The following EPHB3 variants were observed in gnomAD, a reference collection of about 807,000 sequenced individuals.
The protein encoded by EPHB3 is EPH receptor B3.
Under a neutral mutation model 100.2 loss-of-function variants are expected in EPHB3, and 33 were observed. That is an observed-to-expected ratio of 0.33 (90% confidence interval 0.25 to 0.44). The LOEUF is 0.44. Among genes scored for constraint, EPHB3 ranks in the 20% least tolerant of loss-of-function variants. EPHB3 has a pLI of 1.00. For synonymous variants in EPHB3, 526 were observed against 554.7 expected (o/e 0.95, Z 0.73); for missense variants, 1,045 against 1,378.3 (o/e 0.76, Z 3.83).
chr3:184,580,303 G>A, intron 11 of EPHB3, 99 bp from the exon 12 acceptor site: 3 of 1,473,886 alleles, frequency 2.0e-6, no homozygotes, highest in South Asian at 1.2e-5. Context: ...TTGCAGGAGA[G>A]ACGAGGTAGA....
At chr3:184,580,065 G>A in intron 11 of EPHB3, 131 bp downstream of exon 11, 5 of 1,383,858 alleles carry the variant, frequency 3.6e-6, no homozygotes, top group Non-Finnish European at 4.9e-6. Context: ...GCAGGGAAAT[G>A]GCAGGGCCTT....
At position 184,575,869 on chromosome 3, in the gene EPHB3, G is replaced by T. The variant is rs771399895; in HGVS notation, c.896G>T (p.Gly299Val). 6.2e-7 allele frequency: 1 copy of T among 1,612,848 alleles called. No individual in the cohort carries two copies. Among genetic ancestry groups the T allele is most frequent in the African/African-American group, 1.3e-5 (1 of 74,848 alleles). ...AGCTACAAGGCGAAGCAGGGAGAGG[G>T]GCCCTGCCTCCCATGTCCCCCCAAC... ...PGSYKAKQGE[G>V]PCLPCPPNSR... is the part of the protein sequence containing the mutation. The change falls in exon 4 of 16, where the codon GGG (glycine) becomes GTG (valine). Residue 299 changes from glycine to valine, a missense_variant. Physicochemically the swap from Gly to Val is moderately radical, Grantham distance 109. Transcript: ENST00000330394.
Position 184,573,056 on chromosome 3 carries a change from G to A in EPHB3, c.736G>A (p.Val246Met), listed in dbSNP as rs765968450. 12 of 1,613,218 alleles carry A rather than the reference G, an allele frequency of 7.4e-6. No homozygotes were observed. Among genetic ancestry groups the A allele is most frequent in the Middle Eastern group, 1.6e-4 (1 of 6,062 alleles). Residue 246 changes from valine to methionine, a missense_variant, in exon 3 of 16, where the codon GTG becomes ATG. Around this residue, in one of 2 missense-constraint regions of EPHB3, gnomAD observed 985 missense variants for 1,331.1 expected, o/e 0.74. Coordinates refer to ENST00000330394, the MANE Select transcript of EPHB3 (RefSeq NM_004443.4). This position sits in a 1 kb window ranked among gnomAD's most constrained non-coding sequence, Gnocchi z 4.5. Reference sequence around the variant, plus strand: ...TCCTGGCACCTGCATCCCTAACGCCGTGGAGGTGTCGGTGCCACTCAAGCT... The same window carrying A: ...TCCTGGCACCTGCATCCCTAACGCCATGGAGGTGTCGGTGCCACTCAAGCT... ...IAPGTCIPNA[V>M]EVSVPLKLYC...
rs749436110 is a variant in EPHB3 at position 184,581,561 on chromosome 3, T to A, written c.2936T>A (p.Ile979Asn). 1 of 1,613,824 alleles carries A rather than the reference T, an allele frequency of 6.2e-7. No individual in the cohort carries two copies. The highest frequency in any genetic ancestry group is 2.2e-5 in the East Asian group (1 of 44,866). The change falls in exon 16 of 16, where the codon ATC becomes AAC. Residue 979 changes from isoleucine (I) to asparagine (N), a missense_variant. This residue lies in a region of EPHB3 where 985 missense variants were observed against 1,331.1 expected (regional missense o/e 0.74). Transcript: ENST00000330394. ...ACCCTGGCCGGCCACCAGAAGAAGATCCTGAGCAGTATCCAGGACATGCGG... is the reference window on the plus strand; with the variant it reads ...ACCCTGGCCGGCCACCAGAAGAAGAACCTGAGCAGTATCCAGGACATGCGG... The part of the protein sequence containing the change: ...GVTLAGHQKK[I>N]LSSIQDMRLQ...
rs142854760 is a variant in EPHB3 at position 184,577,087 on chromosome 3, C to T, written c.1258C>T (p.Arg420Cys). 1.9e-5 allele frequency: 31 copies of T among 1,613,404 alleles called. No homozygotes were observed. The highest frequency in any genetic ancestry group is 9.9e-5 in the South Asian group (9 of 91,082). Residue 420 changes from arginine (R) to cysteine (C), a missense_variant, in exon 5 of 16, where the codon CGC becomes TGC. Transcript: ENST00000330394. This position sits in a 1 kb window ranked among gnomAD's most constrained non-coding sequence, Gnocchi z 4.9. ...VHISHLLAHT[R>C]YTFEVQAVNG... ...CATCAGCCATCTGCTGGCCCACACG[C>T]GCTACACCTTTGAGGTGCAGGCGGT...
chr3:184,570,459 T>C (rs927860289), intron 1 of EPHB3, among the ~76,000 whole-genome samples: 6 of 152,246 alleles, frequency 3.9e-5, no homozygotes, highest in Non-Finnish European at 7.3e-5. Context: ...CAGTACCTTC[T>C]TCCAAGGATT....
rs774938652 is a variant in EPHB3, at chr3:184,575,891, C to T, written c.918C>T (p.Pro306=). The T allele has an allele frequency of 1.2e-6, 2 of 1,613,616 alleles. No homozygotes were observed. The highest frequency in any genetic ancestry group is 1.1e-5 in the South Asian group (1 of 91,036). ...QGEGPCLPCP[P]NSRTTSPAAS... ...AGGGGCCCTGCCTCCCATGTCCCCC[C>T]AACAGCCGTACCACCTCCCCAGCCG... The change falls in exon 4 of 16, where the codon CCC becomes CCT. Residue 306 remains proline, a synonymous_variant. Coordinates refer to ENST00000330394, the MANE Select transcript of EPHB3 (RefSeq NM_004443.4).
At chr3:184,568,314 C>G (rs573168802) in intron 1 of EPHB3, among the ~76,000 whole-genome samples, 6 of 152,282 alleles carry the variant, frequency 3.9e-5, no homozygotes, top group African/African-American at 1.4e-4. Context: ...CTGACACAGC[C>G]CAGTGTCTAG....
rs896936648 is a variant in EPHB3, at chr3:184,573,204, G to C, written c.856+28G>C. On this transcript the variant is annotated intron_variant, in intron 3 of 15. Transcript: ENST00000330394. The surrounding 1 kb of genome is among the most constrained non-coding windows in gnomAD (Gnocchi z 4.5). The stretch of plus-strand genomic sequence containing the variant: ...GAGTGGGGACTGTCCTGGGGAAAGG[G>C]TTGTCGGGAGGGCCTGGGCCACAGC... 6.8e-6 allele frequency: 11 copies of C among 1,606,192 alleles called. No homozygotes were observed. The highest frequency in any genetic ancestry group is 8.5e-6 in the Non-Finnish European group (10 of 1,179,792).
At position 184,568,079 on chromosome 3, in the gene EPHB3, G is replaced by A. The variant is rs116591562; in HGVS notation, c.119-3239G>A. On this transcript the variant is annotated intron_variant, in intron 1 of 15. Coordinates refer to ENST00000330394, the MANE Select transcript of EPHB3 (RefSeq NM_004443.4). The stretch of plus-strand genomic sequence containing the variant: ...CTTGTCACTCTTTAGCCCCAGTGGC[G>A]GGGAGTGAGCCCAGCCCCCAGGACT... Among the ~76,000 whole-genome samples the A allele has an allele frequency of 3.4e-3, 514 of 152,244 alleles. 1 individual carries two copies. Among genetic ancestry groups the A allele is most frequent in the Non-Finnish European group, 5.3e-3 (359 of 68,010 alleles).
intron 1 of EPHB3, among the ~76,000 whole-genome samples, chr3:184,567,163 G>A (rs372874181): frequency 2.8e-4 from 42 of 152,276 alleles, no homozygotes; most frequent in African/African-American, 9.4e-4. Context: ...CTTGGGCAGC[G>A]GCTATACCTG....
At position 184,571,894 on chromosome 3, in the gene EPHB3, T is replaced by C. The variant is rs370870763; in HGVS notation, c.183+512T>C. ...TAAGCCCTAGAACCCTGGAGTACGA[T>C]GGCACTACAGGCCCTGCAGTCACCA... On this transcript the variant is annotated intron_variant, in intron 2 of 15. Transcript: ENST00000330394. This position sits in a 1 kb window ranked among gnomAD's most constrained non-coding sequence, Gnocchi z 5.0. Among the ~76,000 whole-genome samples the C allele has an allele frequency of 4.9e-4, 75 of 152,236 alleles. No individual in the cohort carries two copies. The highest frequency in any genetic ancestry group is 1.6e-3 in the African/African-American group (68 of 41,528).
chr3:184,566,668 T>C (rs1339860141), intron 1 of EPHB3, among the ~76,000 whole-genome samples: 3 of 152,044 alleles, frequency 2.0e-5, no homozygotes, highest in Non-Finnish European at 4.4e-5. Flanking sequence ...TCGGGTGGCA[T>C]AGCACTGCTC....
Position 184,563,901 on chromosome 3 carries a change from C to G in EPHB3, c.118+1548C>G, listed in dbSNP as rs1020659049. 6.6e-6 allele frequency among the ~76,000 whole-genome samples: 1 copy of G among 152,222 alleles called. No individual in the cohort carries two copies. The highest frequency in any genetic ancestry group is 2.4e-5 in the African/African-American group (1 of 41,450). On this transcript the variant is annotated intron_variant, in intron 1 of 15. Transcript: ENST00000330394. The surrounding 1 kb of genome is among the most constrained non-coding windows in gnomAD (Gnocchi z 4.1). ...CCTGTGTGTGTCGGGCCACAAGGCC[C>G]TTGTTGTGGGTGTGGTGGGTGCTGG...
Position 184,563,172 on chromosome 3 carries a change from G to C in EPHB3, c.118+819G>C, listed in dbSNP as rs1435008715. 6.6e-6 allele frequency among the ~76,000 whole-genome samples: 1 copy of C among 152,222 alleles called. No individual in the cohort carries two copies. The highest frequency in any genetic ancestry group is 6.5e-5 in the Admixed American group (1 of 15,292). ...TGAACAGCCCGGCGTTGTTGGCGCT[G>C]GCAGGAGAGCTCACACGCATGCCAC... On this transcript the variant is annotated intron_variant, in intron 1 of 15. Coordinates refer to ENST00000330394, the MANE Select transcript of EPHB3 (RefSeq NM_004443.4). This position sits in a 1 kb window ranked among gnomAD's most constrained non-coding sequence, Gnocchi z 4.1.
chr3:184,581,603 C>G lies in EPHB3; in HGVS notation c.2978C>G (p.Thr993Arg), dbSNP rs200546160. 2.5e-6 allele frequency: 4 copies of G among 1,612,504 alleles called. No homozygotes were observed. The South Asian group carries it at 4.4e-5, about 18-fold the overall frequency. The change falls in exon 16 of 16, where the codon ACG becomes AGG. Residue 993 changes from threonine (T) to arginine (R), a missense_variant. Thr to Arg is a moderately conservative substitution (Grantham distance 71). Coordinates refer to ENST00000330394, the MANE Select transcript of EPHB3 (RefSeq NM_004443.4). Reference protein sequence around the residue: ...IQDMRLQMNQTLPVQV With the variant: ...IQDMRLQMNQRLPVQV ...GACATGCGGCTGCAGATGAACCAGA[C>G]GCTGCCTGTGCAGGTCTGACACCGG...
In EPHB3 at chr3:184,580,500, C is replaced by T. The variant is rs567780062; in HGVS notation, c.2271C>T (p.Arg757=). 1.2e-5 allele frequency: 19 copies of T among 1,614,232 alleles called. No homozygotes were observed. The highest frequency in any genetic ancestry group is 1.6e-4 in the Middle Eastern group (1 of 6,062). ...TGTCCGAGATGAACTATGTGCACCG[C>T]GACCTGGCTGCTCGCAACATCCTTG... The part of the protein sequence containing the change: ...KYLSEMNYVH[R]DLAARNILVN... Residue 757 remains arginine, a synonymous_variant, in exon 12 of 16, where the codon CGC becomes CGT. Coordinates refer to ENST00000330394, the MANE Select transcript of EPHB3 (RefSeq NM_004443.4).
Position 184,563,020 on chromosome 3 carries a change from G to A in EPHB3, c.118+667G>A, listed in dbSNP as rs538726948. Reference sequence around the variant, plus strand: ...CCTGAAGTTGCGGGATTTGCCCCAGGTAGCAGCAGAGCCCGGCGCCTTCCT... The same window carrying A: ...CCTGAAGTTGCGGGATTTGCCCCAGATAGCAGCAGAGCCCGGCGCCTTCCT... On this transcript the variant is annotated intron_variant, in intron 1 of 15. Transcript: ENST00000330394. The surrounding 1 kb of genome is among the most constrained non-coding windows in gnomAD (Gnocchi z 4.1). Among the ~76,000 whole-genome samples the A allele has an allele frequency of 1.3e-5, 2 of 152,342 alleles. No homozygotes were observed. Among genetic ancestry groups the A allele is most frequent in the South Asian group, 4.1e-4 (2 of 4,822 alleles).
intron 3 of EPHB3, chr3:184,575,318 A>T: frequency 3.7e-6 from 3 of 812,012 alleles, no homozygotes; most frequent in Non-Finnish European, 4.5e-6. Flanking sequence ...CCAAGGGCAG[A>T]CAGGAGCTGC....
Sources: gnomAD v4.1 joint callset for allele counts (sites outside exome capture counted in the v4.1 genomes callset) on GRCh38, gnomAD v4.1.1 for gene constraint, gnomAD v4.1.1 regional missense constraint, Gnocchi (gnomAD v3.1) non-coding constraint, MANE v1.5 for transcripts, NCBI Gene and HGNC (gene_info 2026-07-23, HGNC 2026-07-21) for gene names.